Variants in LRRC27 observed in about 807,000 individuals in gnomAD.
The protein encoded by LRRC27 is leucine-rich repeat-containing protein 27.
A neutral mutation model predicts 55.0 loss-of-function variants in LRRC27; 57 were observed. That is an observed-to-expected ratio of 1.04 (90% CI 0.84 to 1.29). LRRC27 has a LOEUF of 1.29. Among genes scored for constraint, LRRC27 ranks in the 50% most tolerant of loss-of-function variants. LRRC27 has a pLI of 0.00. For synonymous variants in LRRC27, 278 were observed against 251.9 expected (o/e 1.10, Z -0.98); for missense variants, 721 against 651.5 (o/e 1.11, Z -1.16).
At chr10:132,362,531 G>T (rs1416877929) in intron 9 of LRRC27, among the ~76,000 whole-genome samples, 1 of 152,132 alleles carries the variant, frequency 6.6e-6, no homozygotes, top group Non-Finnish European at 1.5e-5. Context: ...GCTGGTCCCT[G>T]GGTGGGTCCC....
intron 9 of LRRC27, among the ~76,000 whole-genome samples, chr10:132,365,073 C>T (rs79985582): frequency 6.6e-6 from 1 of 152,388 alleles, no homozygotes; most frequent in Non-Finnish European, 1.5e-5. Flanking sequence ...CATGTGGGAA[C>T]AGAAACCTGC....
At chr10:132,373,499 G>T (rs909102068) in intron 10 of LRRC27, among the ~76,000 whole-genome samples, 1 of 152,200 alleles carries the variant, frequency 6.6e-6, no homozygotes, top group Non-Finnish European at 1.5e-5. Flanking sequence ...GGCACTGGGA[G>T]GGAGCTGGTC....
intron 9 of LRRC27, among the ~76,000 whole-genome samples, chr10:132,363,446 A>G (rs1343573165): frequency 6.6e-6 from 1 of 152,124 alleles, no homozygotes. Flanking sequence ...ACGGAGCCTC[A>G]GTGTGGACAC....
chr10:132,335,854 G>A (rs916835081), intron 2 of LRRC27, among the ~76,000 whole-genome samples: 12 of 152,102 alleles, frequency 7.9e-5, no homozygotes, highest in African/African-American at 2.4e-4. Flanking sequence ...TGATAAGAAC[G>A]GACAAAACGA....
intron 4 of LRRC27, among the ~76,000 whole-genome samples, chr10:132,342,616 C>T (rs902533965): frequency 3.9e-5 from 6 of 152,220 alleles, no homozygotes; most frequent in Non-Finnish European, 7.3e-5. Flanking sequence ...TTACCACTTA[C>T]GTATGTTCCT....
chr10:132,367,728 T>C (rs2069130296), intron 10 of LRRC27, among the ~76,000 whole-genome samples: 1 of 152,176 alleles, frequency 6.6e-6, no homozygotes. Context: ...TTAAAGAACA[T>C]CCAGAAAAGA....
rs942254197 is a variant in LRRC27, at chr10:132,342,359, G to A, written c.400+88G>A. 3.4e-5 allele frequency: 29 copies of A among 847,630 alleles called. 2 individuals are homozygous for A. The South Asian group carries it at 4.3e-4, about 13-fold the overall frequency. 52.5% of individuals were successfully genotyped at this position (847,630 alleles called of 1,614,324 possible). A position where few individuals can be genotyped will look rare whatever the true frequency, so the allele number is the denominator to read the frequency against. ...TAATGGAAGTATCAGGCATGACAAA[G>A]GAGGGTAAGCTAGATATTTTAAAAA... On this transcript the variant is annotated intron_variant, in intron 4 of 10. Transcript: ENST00000368614.
chr10:132,355,901 G>T lies in LRRC27; in HGVS notation c.1170+15G>T. The T allele has an allele frequency of 6.5e-7, 1 of 1,539,448 alleles. No homozygotes were observed. Among genetic ancestry groups the T allele is most frequent in the Non-Finnish European group, 8.8e-7 (1 of 1,137,078 alleles). On this transcript the variant is annotated intron_variant, in intron 8 of 10. Coordinates refer to ENST00000368614, the MANE Select transcript of LRRC27 (RefSeq NM_030626.3). Reference sequence around the variant, plus strand: ...GGAGGAGCATGGTACGGCACGCGCGGGCGGTGACCGGGCACTAGTCCAGTC... The same window carrying T: ...GGAGGAGCATGGTACGGCACGCGCGTGCGGTGACCGGGCACTAGTCCAGTC...
intron 8 of LRRC27, among the ~76,000 whole-genome samples, chr10:132,358,980 G>A (rs1310625021): frequency 1.6e-5 from 1 of 60,616 alleles, no homozygotes; most frequent in Non-Finnish European, 3.3e-5. Context: ...AGCCGAGGTG[G>A]TGGAGCGTGG....
chr10:132,357,112 T>A (rs1372110028), intron 8 of LRRC27, among the ~76,000 whole-genome samples: 1 of 151,994 alleles, frequency 6.6e-6, no homozygotes. Flanking sequence ...AGTGTTTCCG[T>A]CTCCCCCCGG....
In LRRC27 at chr10:132,342,249, C is replaced by G; in HGVS notation, c.378C>G (p.Ile126Met). ...LKTLLLERNP[I>M]KMLPVELGSV... ...CTTTGCTTTTAGAAAGAAATCCTAT[C>G]AAAATGTTACCTGTGGAGCTGGGTA... is the stretch of plus-strand genomic sequence containing the variant. The change falls in exon 4 of 11, where the codon ATC (isoleucine) becomes ATG (methionine). Residue 126 changes from isoleucine to methionine, a missense_variant. Coordinates refer to ENST00000368614, the MANE Select transcript of LRRC27 (RefSeq NM_030626.3). The G allele has an allele frequency of 6.4e-7, 1 of 1,553,608 alleles. No homozygotes were observed. The highest frequency in any genetic ancestry group is 1.2e-5 in the South Asian group (1 of 83,292).
chr10:132,368,671 C>G (rs1357272677), intron 10 of LRRC27, among the ~76,000 whole-genome samples: 2 of 147,458 alleles, frequency 1.4e-5, no homozygotes, highest in East Asian at 1.9e-4. Flanking sequence ...GATCATAGAC[C>G]TAAACGTAAC....
intron 7 of LRRC27, among the ~76,000 whole-genome samples, chr10:132,353,812 C>T (rs1463788929): frequency 3.9e-5 from 6 of 152,198 alleles, no homozygotes; most frequent in East Asian, 1.9e-4. Context: ...TCACTCACTG[C>T]GAGGTGAGCC....
At chr10:132,340,538 C>A (rs979555788) in intron 3 of LRRC27, among the ~76,000 whole-genome samples, 1 of 152,156 alleles carries the variant, frequency 6.6e-6, no homozygotes, top group South Asian at 2.1e-4. Flanking sequence ...AGATGCTGTT[C>A]TTGTTGGCTG....
upstream of LRRC27, chr10:132,330,231 T>C: frequency 1.8e-6 from 1 of 548,550 alleles, no homozygotes; most frequent in Non-Finnish European, 3.3e-6. Flanking sequence ...TAATGTAGCA[T>C]GAAAAATGTG....
rs757355857 is a variant in LRRC27 at position 132,348,959 on chromosome 10, C to G, written c.926+603C>G. 1.3e-5 allele frequency: 21 copies of G among 1,597,818 alleles called. No individual in the cohort carries two copies. The South Asian group carries it at 1.7e-4, about 13-fold the overall frequency. ...CCGAGATTTTATTTTCCTTTCACAC[C>G]CAGGACAAGGGTCCCTAGGAAACAG... On this transcript the variant is annotated intron_variant, in intron 6 of 10. Transcript: ENST00000368614. The surrounding 1 kb of genome is among the most constrained non-coding windows in gnomAD (Gnocchi z 4.2).
upstream of LRRC27, chr10:132,331,477 C>T: frequency 6.2e-7 from 1 of 1,612,860 alleles, no homozygotes; most frequent in East Asian, 2.2e-5. Context: ...CAGAGGCAGC[C>T]TTACTTCTCC....
rs538571268 is a variant in LRRC27, at chr10:132,372,210, C to T, written c.1417-2856C>T. ...AGGATGGGAAGTGGGGGTCGGGGTG[C>T]GGTGGCTCACGCCTGCAATCCCAGC... is the stretch of plus-strand genomic sequence containing the variant. On this transcript the variant is annotated intron_variant, in intron 10 of 10. Transcript: ENST00000368614. This position sits in a 1 kb window ranked among gnomAD's most constrained non-coding sequence, Gnocchi z 4.0. Among the ~76,000 whole-genome samples, 5 of 150,302 alleles carry T rather than the reference C, an allele frequency of 3.3e-5. No individual in the cohort carries two copies. Among genetic ancestry groups the T allele is most frequent in the South Asian group, 2.1e-4 (1 of 4,766 alleles).
At chr10:132,371,844 G>A (rs1457051438) in intron 10 of LRRC27, among the ~76,000 whole-genome samples, 1 of 152,234 alleles carries the variant, frequency 6.6e-6, no homozygotes, top group Non-Finnish European at 1.5e-5. Flanking sequence ...GGGCTGCAGA[G>A]CCAGTGTGCA....
Sources: allele counts gnomAD v4.1 joint callset (sites outside exome capture counted in the v4.1 genomes callset), GRCh38; gene constraint gnomAD v4.1.1; non-coding constraint Gnocchi (gnomAD v3.1); transcripts MANE v1.5; gene names NCBI Gene and HGNC (gene_info 2026-07-23, HGNC 2026-07-21).